Variants in AKAP9 observed in about 807,000 individuals in gnomAD.
AKAP9 encodes A-kinase anchoring protein 9.
A neutral mutation model predicts 488.5 loss-of-function variants in AKAP9; 311 were observed. The ratio of observed to expected loss-of-function variants is 0.64; its 90% CI spans 0.58 to 0.70. The LOEUF is 0.70. AKAP9 is among the 30% of genes least tolerant of loss of function. AKAP9 has a pLI of 0.00. For missense variants in AKAP9, 4,215 were observed against 4,374.5 expected, an observed-to-expected ratio of 0.96 and a Z score of 1.03; for synonymous variants, 1,462 against 1,483.5, an observed-to-expected ratio of 0.99 and a Z score of 0.33.
chr7:92,053,679 C>G (rs1009092731), intron 22 of AKAP9, among the ~76,000 whole-genome samples: 6 of 152,266 alleles, frequency 3.9e-5, no homozygotes, highest in Non-Finnish European at 7.4e-5. Flanking sequence ...TTAGCTTCTT[C>G]TGTATTGTGG....
In AKAP9 at chr7:92,110,516, T is replaced by C. The variant is rs1293064795; in HGVS notation, c.*357T>C. 3.5e-6 allele frequency: 1 copy of C among 287,602 alleles called. No individual in the cohort carries two copies. Among genetic ancestry groups the C allele is most frequent in the African/African-American group, 2.2e-5 (1 of 46,202 alleles). 17.8% of individuals were successfully genotyped at this position (287,602 alleles called of 1,614,324 possible). On this transcript the variant is annotated 3_prime_UTR_variant, in exon 50 of 50. Coordinates refer to ENST00000356239, the MANE Select transcript of AKAP9 (RefSeq NM_005751.5). ...GTGTCCTGCACTTTTCTTATAAGGC[T>C]ACTGAAGTTACATGTTTTGCCTAAT...
chr7:92,055,756 T>C (rs1341550405), intron 22 of AKAP9, among the ~76,000 whole-genome samples: 1 of 152,184 alleles, frequency 6.6e-6, no homozygotes, highest in African/African-American at 2.4e-5. Context: ...ATAATTTGAA[T>C]TATTCTAATT....
rs1309076913 is a variant in AKAP9, at chr7:92,079,664, A to G, written c.7531A>G (p.Lys2511Glu). 5 of 1,614,006 alleles carry G rather than the reference A, an allele frequency of 3.1e-6. No individual in the cohort carries two copies. The highest frequency in any genetic ancestry group is 4.2e-6 in the Non-Finnish European group (5 of 1,179,972). The change falls in exon 31 of 50, where the codon AAG becomes GAG. Residue 2511 changes from lysine to glutamate, a missense_variant. Physicochemically the swap from Lys to Glu is moderately conservative, Grantham distance 56. Coordinates refer to ENST00000356239, the MANE Select transcript of AKAP9 (RefSeq NM_005751.5). ...LLQLESTVSAKDLELTQCYKQ... is the reference protein window; with the variant it reads ...LLQLESTVSAEDLELTQCYKQ... ...ACAACTTGAGAGCACTGTTAGTGCA[A>G]AGGACTTAGAACTTACCCAGTGTTA...
chr7:91,989,800 T>A (rs1797546929), intron 3 of AKAP9, among the ~76,000 whole-genome samples: 3 of 152,094 alleles, frequency 2.0e-5, no homozygotes, highest in African/African-American at 2.4e-5. Flanking sequence ...TTAATGTTTT[T>A]AATTTATATA....
intron 8 of AKAP9, among the ~76,000 whole-genome samples, chr7:92,003,463 G>T (rs1799419794): frequency 6.6e-6 from 1 of 151,628 alleles, no homozygotes; most frequent in Admixed American, 6.6e-5. Context: ...TTCTGCTCAG[G>T]AAATAAAACA....
At chr7:92,102,346 C>T (rs1313491411) in intron 45 of AKAP9, among the ~76,000 whole-genome samples, 10 of 151,186 alleles carry the variant, frequency 6.6e-5, no homozygotes. Context: ...AGTATTCAGA[C>T]TCCATTGACT....
chr7:91,980,249 A>C (rs773998743), intron 2 of AKAP9, 40 bp from the exon 3 acceptor site: 1 of 1,356,920 alleles, frequency 7.4e-7, no homozygotes, highest in South Asian at 1.2e-5. Context: ...ATTTAGCACA[A>C]AAAAGTCATA....
rs1342263035 is a variant in AKAP9, at chr7:91,941,072, G to T, written c.-28G>T. The T allele has an allele frequency of 6.2e-7, 1 of 1,610,604 alleles. No homozygotes were observed. Among genetic ancestry groups the T allele is most frequent in the Admixed American group, 1.7e-5 (1 of 59,996 alleles). On this transcript the variant is annotated 5_prime_UTR_variant, in exon 1 of 50. Transcript: ENST00000356239. ...TATCCCCAACCACCCCTCAACCCCT[G>T]TTTTCCCCTGCCTTCCTTGCAGAGG...
chr7:91,994,887 A>G (rs1798198725), intron 6 of AKAP9, 111 bp downstream of exon 6: 3 of 969,636 alleles, frequency 3.1e-6, no homozygotes, highest in African/African-American at 1.7e-5. Context: ...GTATTATATC[A>G]TGTATGAAAA....
intron 22 of AKAP9, among the ~76,000 whole-genome samples, chr7:92,057,204 G>A (rs924161598): frequency 5.3e-5 from 8 of 152,038 alleles, no homozygotes; most frequent in Non-Finnish European, 4.4e-5. Flanking sequence ...TATAGTTTTA[G>A]TGGCTGCTTG....
chr7:91,944,567 A>G (rs571033704), intron 1 of AKAP9, among the ~76,000 whole-genome samples: 1 of 152,072 alleles, frequency 6.6e-6, no homozygotes, highest in East Asian at 1.9e-4. Flanking sequence ...TTGTATTTTT[A>G]GTAGAGATGG....
intron 1 of AKAP9, among the ~76,000 whole-genome samples, chr7:91,949,263 C>T (rs1243602359): frequency 6.6e-6 from 1 of 151,776 alleles, no homozygotes; most frequent in Non-Finnish European, 1.5e-5. Context: ...GATTATCTTC[C>T]ATATATATAT....
chr7:91,987,173 T>G (rs565525896), intron 3 of AKAP9, among the ~76,000 whole-genome samples: 2 of 152,248 alleles, frequency 1.3e-5, no homozygotes, highest in South Asian at 2.1e-4. Flanking sequence ...AATCCCACAC[T>G]TTGGGAGGCC....
intron 22 of AKAP9, among the ~76,000 whole-genome samples, chr7:92,056,258 A>G (rs941217262): frequency 2.6e-5 from 4 of 151,860 alleles, no homozygotes; most frequent in Admixed American, 2.0e-4. Context: ...TTTCTTACTT[A>G]CAGATTTTGT....
chr7:92,015,866 A>G (rs189327712), intron 10 of AKAP9, among the ~76,000 whole-genome samples: 74 of 152,322 alleles, frequency 4.9e-4, no homozygotes, highest in African/African-American at 1.7e-3. Context: ...TATAAGATAA[A>G]TTTTATTATT....
Position 92,076,938 on chromosome 7 carries a change from A to G in AKAP9, c.6696A>G (p.Gln2232=), listed in dbSNP as rs147194783. 6.5e-4 allele frequency: 1,025 copies of G among 1,567,536 alleles called. 3 individuals are homozygous for G. Among genetic ancestry groups the G allele is most frequent in the South Asian group, 3.2e-3 (276 of 87,262 alleles). The change falls in exon 29 of 50, where the codon CAA becomes CAG. Residue 2232 remains glutamine, a synonymous_variant. Transcript: ENST00000356239. The part of the protein sequence containing the change: ...KNEEVQQLHM[Q]LEIQKKESTT... Reference sequence around the variant, plus strand: ...AAGAAGTTCAACAATTACATATGCAATTAGAAATACAGAAAAAGGAATCTA... The same window carrying G: ...AAGAAGTTCAACAATTACATATGCAGTTAGAAATACAGAAAAAGGAATCTA...
At position 92,083,435 on chromosome 7, in the gene AKAP9, A is replaced by T. The variant is rs1328618107; in HGVS notation, c.8426A>T (p.Gln2809Leu). The change falls in exon 33 of 50, where the codon CAG (glutamine) becomes CTG (leucine). Residue 2809 changes from glutamine to leucine, a missense_variant. By Grantham distance (113) the Gln-to-Leu change is moderately radical. Transcript: ENST00000356239. Reference sequence around the variant, plus strand: ...AATGCAGGAATACAAATTAATTTACAGAGTGAATGTTCCTCAGAAGAAGTT... The same window carrying T: ...AATGCAGGAATACAAATTAATTTACTGAGTGAATGTTCCTCAGAAGAAGTT... ...VKNAGIQINL[Q>L]SECSSEEVTE... The T allele has an allele frequency of 1.2e-6, 2 of 1,614,110 alleles. No homozygotes were observed. The highest frequency in any genetic ancestry group is 3.3e-5 in the Admixed American group (2 of 60,028).
chr7:92,080,257 G>A, intron 31 of AKAP9, 105 bp downstream of exon 31: 2 of 943,336 alleles, frequency 2.1e-6, no homozygotes, highest in South Asian at 1.8e-5. Context: ...ATTTATACAA[G>A]AAGGTTTTTA....
chr7:92,083,300 C>G lies in AKAP9; in HGVS notation c.8291C>G (p.Ala2764Gly). 6.2e-7 allele frequency: 1 copy of G among 1,614,048 alleles called. No individual in the cohort carries two copies. Among genetic ancestry groups the G allele is most frequent in the Non-Finnish European group, 8.5e-7 (1 of 1,180,022 alleles). The change falls in exon 33 of 50, where the codon GCC becomes GGC. Residue 2764 changes from alanine to glycine, a missense_variant. Around this residue, in one of 5 missense-constraint regions of AKAP9, gnomAD observed 1,476 missense variants for 1,477.4 expected, o/e 1.00. Coordinates refer to ENST00000356239, the MANE Select transcript of AKAP9 (RefSeq NM_005751.5). ...DETEVQESKK[A>G]CMFEPLPIKL... ...ACTGAGGTACAAGAAAGCAAAAAGG[C>G]CTGCATGTTTGAGCCACTTCCTATA...
Sources: gnomAD v4.1 joint callset for allele counts (sites outside exome capture counted in the v4.1 genomes callset) on GRCh38, gnomAD v4.1.1 for gene constraint, gnomAD v4.1.1 regional missense constraint, MANE v1.5 for transcripts, NCBI Gene and HGNC (gene_info 2026-07-23, HGNC 2026-07-21) for gene names.